Variants in BMPER observed in about 807,000 individuals in gnomAD.
BMPER encodes the protein BMP-binding endothelial regulator protein.
Under a neutral mutation model 87.3 loss-of-function variants are expected in BMPER, and 45 were observed. The ratio of observed to expected loss-of-function variants is 0.52; its 90% confidence interval spans 0.41 to 0.66. The LOEUF (loss-of-function observed/expected upper bound fraction) is 0.66. Among genes scored for constraint, BMPER ranks in the 30% least tolerant of loss-of-function variants. BMPER has a pLI of 0.00. For synonymous variants in BMPER, 326 were observed against 316.2 expected, an observed-to-expected ratio of 1.03 and a Z score of -0.33; for missense variants, 784 against 867.5, an observed-to-expected ratio of 0.90 and a Z score of 1.21.
In BMPER at chr7:34,081,912, C is replaced by A. The variant is rs1160318783; in HGVS notation, c.1408+2726C>A. ...CACGTTCTCTCTCAGTGGACAACAGCAAAAGCAACAATAACAACCAGGAAA... is the reference window on the plus strand; with the variant it reads ...CACGTTCTCTCTCAGTGGACAACAGAAAAAGCAACAATAACAACCAGGAAA... On this transcript the variant is annotated intron_variant, in intron 12 of 14. Transcript: ENST00000649409. Among the ~76,000 whole-genome samples the A allele has an allele frequency of 2.6e-5, 4 of 152,096 alleles. No individual in the cohort carries two copies. In the South Asian group the frequency reaches 6.2e-4, roughly 24 times the overall value.
chr7:33,932,846 C>T (rs1784514245), intron 2 of BMPER, among the ~76,000 whole-genome samples: 1 of 152,182 alleles, frequency 6.6e-6, no homozygotes, highest in South Asian at 2.1e-4. Flanking sequence ...GGGAATAGAA[C>T]GGAAGCATCT....
At chr7:33,942,327 G>C (rs1194474667) in intron 3 of BMPER, among the ~76,000 whole-genome samples, 1 of 152,112 alleles carries the variant, frequency 6.6e-6, no homozygotes. Flanking sequence ...ACTCCTGGTG[G>C]TACTTTCTTG....
At chr7:34,085,613 A>G (rs984210120) in intron 12 of BMPER, 143 bp from the exon 13 acceptor site, 2 of 766,424 alleles carry the variant, frequency 2.6e-6, no homozygotes, top group African/African-American at 3.4e-5. Context: ...TGAGATTAAG[A>G]GGTAACCAAG....
At chr7:34,140,952 A>G (rs1472391178) in intron 13 of BMPER, among the ~76,000 whole-genome samples, 2 of 152,188 alleles carry the variant, frequency 1.3e-5, no homozygotes, top group African/African-American at 4.8e-5. Context: ...GTATACAGAA[A>G]GAGACCCACC....
chr7:33,917,570 T>TC (rs1293404675), intron 2 of BMPER, among the ~76,000 whole-genome samples: 1 of 151,938 alleles, frequency 6.6e-6, no homozygotes, highest in African/African-American at 2.4e-5. Context: ...CCACAGCATG[T>TC]CCCCCAAATG....
chr7:33,944,729 C>G (rs1784843953), intron 3 of BMPER, among the ~76,000 whole-genome samples: 1 of 152,086 alleles, frequency 6.6e-6, no homozygotes, highest in Admixed American at 6.6e-5. Context: ...GTGTACTTAT[C>G]TACGTGAGCT....
At chr7:33,907,068 A>T (rs1237327746) in intron 2 of BMPER, among the ~76,000 whole-genome samples, 165 bp downstream of exon 2, 1 of 152,140 alleles carries the variant, frequency 6.6e-6, no homozygotes, top group African/African-American at 2.4e-5. Flanking sequence ...TCTGAGTTTT[A>T]TGGACTTTGG....
intron 6 of BMPER, among the ~76,000 whole-genome samples, chr7:33,994,483 G>T (rs557996198): frequency 6.6e-6 from 1 of 152,134 alleles, no homozygotes; most frequent in African/African-American, 2.4e-5. Context: ...TTTGGCTCGC[G>T]CATGGTGCGC....
intron 13 of BMPER, among the ~76,000 whole-genome samples, chr7:34,106,553 C>A (rs1349196265): frequency 6.6e-6 from 1 of 152,184 alleles, no homozygotes; most frequent in East Asian, 1.9e-4. Flanking sequence ...GGACCTCATT[C>A]CCCCAAGCCT....
chr7:34,000,148 G>T (rs563093914), intron 6 of BMPER, among the ~76,000 whole-genome samples: 1 of 152,284 alleles, frequency 6.6e-6, no homozygotes, highest in South Asian at 2.1e-4. Context: ...GTGAAAAGAA[G>T]GGTTAGGAAC....
intron 6 of BMPER, among the ~76,000 whole-genome samples, chr7:33,989,884 A>G (rs1786152347): frequency 6.6e-6 from 1 of 152,152 alleles, no homozygotes; most frequent in Non-Finnish European, 1.5e-5. Context: ...TCCTTTCCCC[A>G]TTGCTTGTTT....
intron 3 of BMPER, among the ~76,000 whole-genome samples, chr7:33,956,050 A>T (rs78589497): frequency 6.6e-6 from 1 of 151,876 alleles, no homozygotes; most frequent in African/African-American, 2.4e-5. Flanking sequence ...AAAAAAAAAA[A>T]CACCTCACCT....
rs1554296293 is a variant in BMPER at position 33,909,693 on chromosome 7, A to AG, written c.219+2790_219+2791insG. 4.3e-5 allele frequency among the ~76,000 whole-genome samples: 6 copies of AG among 138,912 alleles called. 1 individual carries two copies. The highest frequency in any genetic ancestry group is 7.6e-5 in the Non-Finnish European group (5 of 65,644). The allele number at this position is 138,912 out of a possible 152,430, so 91.1% of individuals were successfully genotyped here. The stretch of plus-strand genomic sequence containing the variant: ...TCATAACATGTACAAAAAAAAAAAA[A>AG]AAAGAAAGAAAAAGCTAACGTCAAC... On this transcript the variant is annotated intron_variant, in intron 2 of 14. Transcript: ENST00000649409.
chr7:34,070,307 C>T (rs1473898436), intron 11 of BMPER, among the ~76,000 whole-genome samples: 1 of 152,158 alleles, frequency 6.6e-6, no homozygotes, highest in Non-Finnish European at 1.5e-5. Flanking sequence ...TGACTGAATT[C>T]TGGCACCCCC....
intron 3 of BMPER, among the ~76,000 whole-genome samples, chr7:33,959,153 A>T (rs1486919537): frequency 6.6e-6 from 1 of 152,144 alleles, no homozygotes; most frequent in Non-Finnish European, 1.5e-5. Context: ...GTATGTCTTT[A>T]TTAGCAGTGT....
At chr7:33,959,541 G>A (rs895263262) in intron 3 of BMPER, among the ~76,000 whole-genome samples, 1 of 152,158 alleles carries the variant, frequency 6.6e-6, no homozygotes, top group Non-Finnish European at 1.5e-5. Flanking sequence ...GGTTTTTGCA[G>A]TGGGATTCAG....
intron 14 of BMPER, among the ~76,000 whole-genome samples, chr7:34,147,372 G>A (rs1233607234): frequency 1.3e-5 from 2 of 152,200 alleles, no homozygotes; most frequent in East Asian, 1.9e-4. Flanking sequence ...TGATAAAGCC[G>A]GCACATAATG....
In BMPER at chr7:33,945,155, A is replaced by G. The variant is rs187442983; in HGVS notation, c.319+7767A>G. On this transcript the variant is annotated intron_variant, in intron 3 of 14. Coordinates refer to ENST00000649409, the MANE Select transcript of BMPER (RefSeq NM_001365308.1). ...ACAGGGTTTCACCGTGTTAGCCAGG[A>G]TCGTCTCGATCTCCTGACCTCGTGA... is the stretch of plus-strand genomic sequence containing the variant. 3.6e-3 allele frequency among the ~76,000 whole-genome samples: 535 copies of G among 149,918 alleles called. 2 individuals are homozygous for G. Among genetic ancestry groups the G allele is most frequent in the African/African-American group, 0.013 (514 of 40,904 alleles).
intron 13 of BMPER, among the ~76,000 whole-genome samples, chr7:34,138,703 T>TA (rs1461084710): frequency 6.6e-6 from 1 of 152,184 alleles, no homozygotes. Context: ...CCAATTCCGT[T>TA]ACAATAGAAA....
Sources: allele counts gnomAD v4.1 joint callset (sites outside exome capture counted in the v4.1 genomes callset), GRCh38; gene constraint gnomAD v4.1.1; transcripts MANE v1.5; gene names NCBI Gene and HGNC (gene_info 2026-07-23, HGNC 2026-07-21).